Variants in CELF2 observed in about 807,000 individuals in gnomAD.
CELF2 encodes the protein CUG triplet repeat RNA-binding protein 2.
Under a neutral mutation model 62.6 loss-of-function variants are expected in CELF2, and 8 were observed. That is an observed-to-expected ratio of 0.13 (90% CI 0.07 to 0.23). CELF2 has a LOEUF of 0.23. CELF2 is among the 10% of genes least tolerant of loss of function. The pLI, the probability that CELF2 is intolerant of heterozygous loss-of-function variation, is 1.00. For synonymous variants in CELF2, 258 were observed against 250.0 expected (o/e 1.03, Z -0.30); for missense variants, 333 against 671.0 (o/e 0.50, Z 5.56).
the CELF2 span, among the ~76,000 whole-genome samples, chr10:10,649,062 T>A: frequency 3.3e-5 from 5 of 152,200 alleles, no homozygotes; most frequent in African/African-American, 4.8e-5. Flanking sequence ...AGAAGAAAAC[T>A]GATTTCCCAT....
At chr10:11,303,759 C>G (rs753174683) in intron 9 of CELF2, among the ~76,000 whole-genome samples, 5 of 152,214 alleles carry the variant, frequency 3.3e-5, no homozygotes, top group Non-Finnish European at 5.9e-5. Context: ...GCAGTAGCCA[C>G]TAGATAGACA....
Position 11,005,537 on chromosome 10 carries a change from CT to C in CELF2, c.53+99del. ...GCTCTGAATCAAGTAGCTTCCTTAC[CT>C]TAGAAGAGAAGGGGGGAAAAAGAAT... On this transcript the variant is annotated intron_variant, in intron 1 of 12. Transcript: ENST00000416382. This position sits in a 1 kb window ranked among gnomAD's most constrained non-coding sequence, Gnocchi z 4.3. The C allele has an allele frequency of 1.3e-6, 2 of 1,567,020 alleles. No individual in the cohort carries two copies. Among genetic ancestry groups the C allele is most frequent in the South Asian group, 1.1e-5 (1 of 89,678 alleles).
In CELF2 at chr10:11,286,404, C is replaced by T. The variant is rs142064846; in HGVS notation, c.842-2014C>T. 2.2e-3 allele frequency among the ~76,000 whole-genome samples: 334 copies of T among 152,338 alleles called. 2 individuals are homozygous for T. Among genetic ancestry groups the T allele is most frequent in the South Asian group, 0.015 (73 of 4,824 alleles). ...GGTGGTGTGGTCTGGTCATGGTTCACGTTAGAGGAAGCACACATCATGAGA... is the reference window on the plus strand; with the variant it reads ...GGTGGTGTGGTCTGGTCATGGTTCATGTTAGAGGAAGCACACATCATGAGA... On this transcript the variant is annotated intron_variant, in intron 8 of 12. Coordinates refer to ENST00000633077, the MANE Select transcript of CELF2 (RefSeq NM_001326342.2).
intron 1 of CELF2, among the ~76,000 whole-genome samples, chr10:11,059,391 A>G (rs987194268): frequency 3.4e-5 from 5 of 147,414 alleles, no homozygotes; most frequent in African/African-American, 1.3e-4. Context: ...GAGCCATTTT[A>G]CTAAGGTGGG....
At chr10:11,160,392 C>G (rs2065429762) in intron 1 of CELF2, among the ~76,000 whole-genome samples, 1 of 152,156 alleles carries the variant, frequency 6.6e-6, no homozygotes, top group Non-Finnish European at 1.5e-5. Context: ...GCCCCATATT[C>G]TTGTGTTTCC....
chr10:10,616,787 A>C, the CELF2 span, among the ~76,000 whole-genome samples: 1 of 151,398 alleles, frequency 6.6e-6, no homozygotes, highest in East Asian at 1.9e-4. Flanking sequence ...TGGCATAATA[A>C]TCATAGCTCA....
the CELF2 span, among the ~76,000 whole-genome samples, chr10:10,550,167 T>G: frequency 2.0e-5 from 3 of 152,230 alleles, no homozygotes; most frequent in Non-Finnish European, 4.4e-5. Flanking sequence ...TTATACAGTA[T>G]ATTCTAACAA....
chr10:10,860,932 T>C (rs1488562046), intron 1 of CELF2, among the ~76,000 whole-genome samples: 1 of 152,142 alleles, frequency 6.6e-6, no homozygotes, highest in Non-Finnish European at 1.5e-5. Flanking sequence ...TTTTTTTATA[T>C]ATATAAAAGA....
At chr10:10,610,119 A>T in the CELF2 span, among the ~76,000 whole-genome samples, 2 of 152,232 alleles carry the variant, frequency 1.3e-5, no homozygotes, top group African/African-American at 4.8e-5. Context: ...TCAGGCTGCA[A>T]TACCCTTTGA....
At chr10:10,871,944 C>T (rs1444233699) in intron 1 of CELF2, among the ~76,000 whole-genome samples, 1 of 152,178 alleles carries the variant, frequency 6.6e-6, no homozygotes, top group Non-Finnish European at 1.5e-5. Flanking sequence ...TTGATTTTCA[C>T]ATATTATCTT....
At chr10:10,655,857 A>C in the CELF2 span, among the ~76,000 whole-genome samples, 38 of 137,432 alleles carry the variant, frequency 2.8e-4, no homozygotes, top group African/African-American at 9.1e-4. Context: ...GCAACAAAAG[A>C]CAAAATTGAC....
intron 8 of CELF2, among the ~76,000 whole-genome samples, chr10:11,275,520 A>G (rs2085714618): frequency 4.6e-5 from 7 of 152,228 alleles, no homozygotes; most frequent in Admixed American, 4.6e-4. Flanking sequence ...TAGACAGTCA[A>G]TAAAAATGTT....
At chr10:10,601,383 G>A in the CELF2 span, among the ~76,000 whole-genome samples, 2 of 152,136 alleles carry the variant, frequency 1.3e-5, no homozygotes, top group African/African-American at 2.4e-5. Context: ...AAACATTGTC[G>A]TGGATCTCTA....
chr10:10,749,589 A>G, the CELF2 span, among the ~76,000 whole-genome samples: 1 of 152,254 alleles, frequency 6.6e-6, no homozygotes, highest in African/African-American at 2.4e-5. Context: ...GATGTTAAGC[A>G]CCATTGCAAA....
the CELF2 span, among the ~76,000 whole-genome samples, chr10:10,637,717 G>A: frequency 2.6e-5 from 4 of 152,142 alleles, no homozygotes; most frequent in East Asian, 1.9e-4. Context: ...AATGTGACAC[G>A]GAGTCGCAGA....
chr10:11,084,830 G>A lies in CELF2; in HGVS notation c.74+66667G>A, dbSNP rs114100825. On this transcript the variant is annotated intron_variant, in intron 1 of 12. Coordinates refer to ENST00000633077, the MANE Select transcript of CELF2 (RefSeq NM_001326342.2). ...TTACTGTCTAGAGAATACAGACCCCGCAACAAAGAGGTCATTATCGTCAAA... is the reference window on the plus strand; with the variant it reads ...TTACTGTCTAGAGAATACAGACCCCACAACAAAGAGGTCATTATCGTCAAA... Among the ~76,000 whole-genome samples the A allele has an allele frequency of 2.6e-3, 401 of 152,208 alleles. 1 individual carries two copies. The highest frequency in any genetic ancestry group is 8.1e-3 in the African/African-American group (338 of 41,512).
At chr10:11,073,300 T>G (rs987133935) in intron 1 of CELF2, among the ~76,000 whole-genome samples, 3 of 152,194 alleles carry the variant, frequency 2.0e-5, no homozygotes, top group Non-Finnish European at 2.9e-5. Flanking sequence ...TTTATTATAT[T>G]TTGGTGGCAC....
chr10:10,512,601 G>A, the CELF2 span, among the ~76,000 whole-genome samples: 1 of 151,822 alleles, frequency 6.6e-6, no homozygotes, highest in African/African-American at 2.4e-5. Flanking sequence ...TTTTAGTAGG[G>A]GTAGGGTTTC....
At chr10:10,587,773 G>A in the CELF2 span, among the ~76,000 whole-genome samples, 1 of 151,998 alleles carries the variant, frequency 6.6e-6, no homozygotes, top group African/African-American at 2.4e-5. Context: ...AATTCCCCTG[G>A]TAATTTTACT....
Sources: gnomAD v4.1 joint callset for allele counts (sites outside exome capture counted in the v4.1 genomes callset) on GRCh38, gnomAD v4.1.1 for gene constraint, Gnocchi (gnomAD v3.1) non-coding constraint, MANE v1.5 for transcripts, NCBI Gene and HGNC (gene_info 2026-07-23, HGNC 2026-07-21) for gene names.